The following PLCB1 variants were observed in gnomAD, a reference collection of about 807,000 sequenced individuals.
PLCB1 encodes 1-phosphatidylinositol 4,5-bisphosphate phosphodiesterase beta-1.
Under a neutral mutation model 161.8 loss-of-function variants are expected in PLCB1, and 46 were observed. That is an observed-to-expected ratio of 0.28 (90% CI 0.22 to 0.36). The LOEUF (loss-of-function observed/expected upper bound fraction) is 0.36. Ranked by LOEUF, PLCB1 falls within the 10% of genes least tolerant of loss-of-function variation. The pLI is 1.00. For missense variants in PLCB1, 1,016 were observed against 1,472.5 expected (o/e 0.69, Z 5.07); for synonymous variants, 517 against 503.7 (o/e 1.03, Z -0.35).
chr20:8,600,759 G>A (rs1039316649), intron 3 of PLCB1: 2 of 152,318 alleles, frequency 1.3e-5, no homozygotes, highest in African/African-American at 4.9e-5. Context: ...GAGACTCCGT[G>A]GGCGTAGGAC....
At chr20:8,237,038 CTTTTCTGGTAGCCT>C (rs1980363812) in intron 2 of PLCB1, among the ~76,000 whole-genome samples, 1 of 152,020 alleles carries the variant, frequency 6.6e-6, no homozygotes, top group African/African-American at 2.4e-5. Context: ...ATTGGTTCAG[CTTTTCTGGTAGCCT>C]TTGGCATATT....
At chr20:8,711,236 G>C (rs2144128) in intron 12 of PLCB1, among the ~76,000 whole-genome samples, 136,215 of 152,284 alleles carry the variant, frequency 0.89, 60,994 homozygotes, top group East Asian at 0.99. Flanking sequence ...AGAAGCATCA[G>C]GAGCCTTCAA....
intron 3 of PLCB1, among the ~76,000 whole-genome samples, chr20:8,385,405 C>T (rs1987394779): frequency 6.6e-6 from 1 of 152,188 alleles, no homozygotes; most frequent in South Asian, 2.1e-4. Flanking sequence ...TGGCCTGGAG[C>T]TGTAGAGATG....
chr20:8,442,026 T>C (rs1466147444), intron 3 of PLCB1, among the ~76,000 whole-genome samples: 1 of 152,200 alleles, frequency 6.6e-6, no homozygotes, highest in Non-Finnish European at 1.5e-5. Flanking sequence ...CTGAATATGA[T>C]TGAATCTAGA....
intron 2 of PLCB1, among the ~76,000 whole-genome samples, chr20:8,232,896 G>A (rs997190437): frequency 1.6e-4 from 24 of 152,086 alleles, no homozygotes; most frequent in African/African-American, 5.1e-4. Context: ...AGCAGCTGGC[G>A]CTGGCATTGC....
chr20:8,234,574 C>T (rs949264697), intron 2 of PLCB1, among the ~76,000 whole-genome samples: 2 of 152,148 alleles, frequency 1.3e-5, no homozygotes, highest in Non-Finnish European at 2.9e-5. Flanking sequence ...CTATTAAATA[C>T]TATTCCTAGA....
intron 3 of PLCB1, among the ~76,000 whole-genome samples, chr20:8,603,400 T>C (rs1008745856): frequency 1.3e-5 from 2 of 152,176 alleles, no homozygotes; most frequent in African/African-American, 2.4e-5. Flanking sequence ...GACTCCTAGA[T>C]AAAATTCAAA....
chr20:8,343,616 A>G (rs1985892948), intron 2 of PLCB1, among the ~76,000 whole-genome samples: 1 of 152,238 alleles, frequency 6.6e-6, no homozygotes, highest in Non-Finnish European at 1.5e-5. Context: ...TCAATGGATC[A>G]TTTAGTATAC....
At chr20:8,604,175 C>T (rs1304863792) in intron 3 of PLCB1, among the ~76,000 whole-genome samples, 1 of 148,032 alleles carries the variant, frequency 6.8e-6, no homozygotes, top group East Asian at 2.0e-4. Context: ...ATCCCCTGAA[C>T]CCGGGAAGTG....
chr20:8,460,323 A>G (rs1199356870), intron 3 of PLCB1, among the ~76,000 whole-genome samples: 4 of 152,172 alleles, frequency 2.6e-5, no homozygotes, highest in Non-Finnish European at 5.9e-5. Flanking sequence ...CCTGGCTTAG[A>G]ATATCATTTT....
At chr20:8,319,467 G>A (rs6140599) in intron 2 of PLCB1, among the ~76,000 whole-genome samples, 1 of 152,036 alleles carries the variant, frequency 6.6e-6, no homozygotes, top group African/African-American at 2.4e-5. Context: ...GAGAGCATCA[G>A]GCCCTTTGAG....
intron 26 of PLCB1, among the ~76,000 whole-genome samples, chr20:8,773,630 G>C (rs1424450813): frequency 6.6e-6 from 1 of 152,140 alleles, no homozygotes; most frequent in East Asian, 1.9e-4. Context: ...AGTGAAGTTG[G>C]TGAAGCCTCC....
At chr20:8,201,062 C>G (rs935251937) in intron 2 of PLCB1, among the ~76,000 whole-genome samples, 1 of 151,996 alleles carries the variant, frequency 6.6e-6, no homozygotes, top group Non-Finnish European at 1.5e-5. Context: ...TAAGGCAGGC[C>G]CACCTAGGAT....
intron 3 of PLCB1, among the ~76,000 whole-genome samples, chr20:8,473,864 C>A (rs997352300): frequency 6.6e-6 from 1 of 152,160 alleles, no homozygotes; most frequent in Non-Finnish European, 1.5e-5. Flanking sequence ...ACCTTAACCC[C>A]ATTTATATAA....
chr20:8,337,576 AT>A (rs1487494125), intron 2 of PLCB1, among the ~76,000 whole-genome samples: 1 of 152,196 alleles, frequency 6.6e-6, no homozygotes, highest in Admixed American at 6.5e-5. Flanking sequence ...GGACTATCCT[AT>A]TTAAATTTCA....
intron 3 of PLCB1, among the ~76,000 whole-genome samples, chr20:8,499,777 C>T (rs1983328380): frequency 6.6e-6 from 1 of 152,146 alleles, no homozygotes. Context: ...GTGTGATTCA[C>T]AAAACTTTTC....
intron 7 of PLCB1, among the ~76,000 whole-genome samples, chr20:8,656,913 CTTAAA>C (rs1183875154): frequency 2.0e-5 from 3 of 151,530 alleles, no homozygotes; most frequent in African/African-American, 4.8e-5. Flanking sequence ...AATTCTTAAA[CTTAAA>C]TTAAACTGAA....
rs139912779 is a variant in PLCB1 at position 8,369,214 on chromosome 20, G to A, written c.178-2168G>A. 8.6e-3 allele frequency among the ~76,000 whole-genome samples: 1,309 copies of A among 152,238 alleles called. 5 individuals carry two copies. Among genetic ancestry groups the A allele is most frequent in the Non-Finnish European group, 0.013 (854 of 68,010 alleles). On this transcript the variant is annotated intron_variant, in intron 2 of 31. Coordinates refer to ENST00000338037, the MANE Select transcript of PLCB1 (RefSeq NM_015192.4). ...ACTTCTGAGTCTCAGTGTAGGAAAGGTGGAAACTGCAGCGTGTTTTATGAC... is the reference window on the plus strand; with the variant it reads ...ACTTCTGAGTCTCAGTGTAGGAAAGATGGAAACTGCAGCGTGTTTTATGAC...
chr20:8,556,169 G>A (rs568059884), intron 3 of PLCB1, among the ~76,000 whole-genome samples: 65 of 151,976 alleles, frequency 4.3e-4, no homozygotes, highest in Admixed American at 3.7e-3. Flanking sequence ...GAAAGATGGC[G>A]GCCACATTCT....
Sources: allele counts gnomAD v4.1 joint callset (sites outside exome capture counted in the v4.1 genomes callset), GRCh38; gene constraint gnomAD v4.1.1; transcripts MANE v1.5; gene names NCBI Gene and HGNC (gene_info 2026-07-23, HGNC 2026-07-21).